The following NEK5 variants were observed in gnomAD, a reference collection of about 807,000 sequenced individuals.
The protein encoded by NEK5 is serine/threonine-protein kinase Nek5.
NEK5 carries 88 observed loss-of-function variants against 109.2 expected under a neutral mutation model. The ratio of observed to expected loss-of-function variants is 0.81; its 90% CI spans 0.68 to 0.96. The LOEUF (loss-of-function observed/expected upper bound fraction) is 0.96. Ranked by LOEUF, NEK5 falls within the 40% of genes least tolerant of loss-of-function variation. The pLI is 0.00. For missense variants in NEK5, 834 were observed against 920.7 expected, an observed-to-expected ratio of 0.91 and a Z score of 1.22; for synonymous variants, 283 against 299.9, an observed-to-expected ratio of 0.94 and a Z score of 0.58.
At chr13:52,077,134 C>T (rs1312216358) in intron 17 of NEK5, among the ~76,000 whole-genome samples, 2 of 152,164 alleles carry the variant, frequency 1.3e-5, no homozygotes, top group Non-Finnish European at 2.9e-5. Flanking sequence ...GCAGAGGGAA[C>T]AGTGGGGTAA....
intron 3 of NEK5, among the ~76,000 whole-genome samples, chr13:52,121,920 G>A (rs1371102109): frequency 6.6e-6 from 1 of 151,526 alleles, no homozygotes; most frequent in Non-Finnish European, 1.5e-5. Context: ...ATAAATTACA[G>A]GGGTGTTTTG....
Position 52,061,956 on chromosome 13 carries a change from G to T in NEK5, c.1976-3C>A, listed in dbSNP as rs1220092535. 3.8e-6 allele frequency: 2 copies of T among 520,554 alleles called. No individual in the cohort carries two copies. The highest frequency in any genetic ancestry group is 4.9e-6 in the Non-Finnish European group (2 of 404,774). 32.2% of individuals were successfully genotyped at this position (520,554 alleles called of 1,614,324 possible). ...TTCAATCACAATAACTTGGCCATCT[G>T]AAGAGGAAAGTGTTATTAAAAATAA... On this transcript the variant is annotated splice_polypyrimidine_tract_variant and splice_region_variant and intron_variant, in intron 21 of 23. Coordinates refer to ENST00000684899, the MANE Select transcript of NEK5 (RefSeq NM_001365552.1).
At chr13:52,124,889 G>C (rs1198574153) in intron 3 of NEK5, among the ~76,000 whole-genome samples, 1 of 152,194 alleles carries the variant, frequency 6.6e-6, no homozygotes, top group African/African-American at 2.4e-5. Flanking sequence ...GGAGCCACTT[G>C]AAGGATCCAA....
chr13:52,100,108 C>T (rs540244416), intron 11 of NEK5, among the ~76,000 whole-genome samples: 2 of 152,002 alleles, frequency 1.3e-5, no homozygotes, highest in African/African-American at 2.4e-5. Flanking sequence ...TAATATATAA[C>T]ATCACTTTTT....
intron 19 of NEK5, among the ~76,000 whole-genome samples, chr13:52,074,020 A>AT (rs1954824393): frequency 6.6e-6 from 1 of 152,218 alleles, no homozygotes; most frequent in Non-Finnish European, 1.5e-5. Context: ...ATGGATTGGA[A>AT]TAATCAATAT....
rs567891564 is a variant in NEK5 at position 52,053,923 on chromosome 13, G to A, written c.2111-3702C>T. 6.6e-4 allele frequency among the ~76,000 whole-genome samples: 101 copies of A among 152,276 alleles called. 1 individual carries two copies. Among genetic ancestry groups the A allele is most frequent in the African/African-American group, 2.3e-3 (96 of 41,550 alleles). On this transcript the variant is annotated intron_variant, in intron 22 of 23. Transcript: ENST00000684899. The stretch of plus-strand genomic sequence containing the variant: ...GTCCTTGTTATTCAATTTTGCAAGC[G>A]GAGGGCAGCTGAACTTGTGTTTTGT...
chr13:52,075,014 G>A (rs527578307), intron 19 of NEK5, among the ~76,000 whole-genome samples: 1 of 152,170 alleles, frequency 6.6e-6, no homozygotes, highest in Non-Finnish European at 1.5e-5. Flanking sequence ...TGCTTATGTA[G>A]TGTTGGCGGA....
chr13:52,045,107 C>T lies in NEK5; in HGVS notation c.2228+4997G>A, dbSNP rs1337140704. ...GTATAAAAACGTACCATAACAGTAG[C>T]ATTTCAAATTAGAATAAAAAATCTT... On this transcript the variant is annotated intron_variant, in intron 23 of 23. Coordinates refer to ENST00000684899, the MANE Select transcript of NEK5 (RefSeq NM_001365552.1). Among the ~76,000 whole-genome samples the T allele has an allele frequency of 2.0e-5, 3 of 149,060 alleles. No individual in the cohort carries two copies. The Admixed American group carries it at 2.0e-4, about 10-fold the overall frequency.
intron 23 of NEK5, among the ~76,000 whole-genome samples, chr13:52,046,607 T>C (rs1954461681): frequency 6.6e-6 from 1 of 151,936 alleles, no homozygotes; most frequent in Non-Finnish European, 1.5e-5. Flanking sequence ...GGCAAGTGCC[T>C]GTAGTCCCGG....
Position 52,127,505 on chromosome 13 carries a change from C to G in NEK5, c.-22-1G>C. 8.2e-7 allele frequency: 1 copy of G among 1,220,534 alleles called. No individual in the cohort carries two copies. Among genetic ancestry groups the G allele is most frequent in the Non-Finnish European group, 1.2e-6 (1 of 824,430 alleles). 75.6% of individuals were successfully genotyped at this position (1,220,534 alleles called of 1,614,324 possible). A position where few individuals can be genotyped will look rare whatever the true frequency, so the allele number is the denominator to read the frequency against. On this transcript the variant is annotated splice_acceptor_variant, in intron 2 of 23. Transcript: ENST00000684899. LOFTEE classifies it low-confidence loss of function (5UTR_SPLICE). ...CATGGTCTCCAATGGGCTGAGTTTC[C>G]TGGAATTAGAGTAATGTAAATTTAT... is the stretch of plus-strand genomic sequence containing the variant.
intron 21 of NEK5, among the ~76,000 whole-genome samples, chr13:52,064,226 G>C (rs574803387): frequency 2.5e-3 from 357 of 144,032 alleles, no homozygotes; most frequent in African/African-American, 8.1e-3. Context: ...GGAGGGAGGT[G>C]GGGGGGTCAG....
Position 52,086,177 on chromosome 13 carries a change from C to T in NEK5, c.1479+100G>A, listed in dbSNP as rs185956013. ...CTACATGATTATCTCTATGATAAAA[C>T]TTTATCTTTTCTATAAGGAAATCAT... On this transcript the variant is annotated intron_variant, in intron 16 of 23. Transcript: ENST00000684899. 1.2e-3 allele frequency: 1,018 copies of T among 838,454 alleles called. 5 individuals carry two copies. The highest frequency in any genetic ancestry group is 1.5e-3 in the Non-Finnish European group (733 of 498,842). 51.9% of individuals were successfully genotyped at this position (838,454 alleles called of 1,614,324 possible). A position where few individuals can be genotyped will look rare whatever the true frequency, so the allele number is the denominator to read the frequency against.
At position 52,054,520 on chromosome 13, in the gene NEK5, C is replaced by A. The variant is rs181138229; in HGVS notation, c.2111-4299G>T. Among the ~76,000 whole-genome samples, 11 of 152,306 alleles carry A rather than the reference C, an allele frequency of 7.2e-5. No homozygotes were observed. In the East Asian group the frequency reaches 1.5e-3, roughly 21 times the overall value. On this transcript the variant is annotated intron_variant, in intron 22 of 23. Coordinates refer to ENST00000684899, the MANE Select transcript of NEK5 (RefSeq NM_001365552.1). Reference sequence around the variant, plus strand: ...ATAATTAGGTTTTCCAAAAAGACAGCAGTAACCTCTGCAGACTTAAAAGTC... The same window carrying A: ...ATAATTAGGTTTTCCAAAAAGACAGAAGTAACCTCTGCAGACTTAAAAGTC...
At chr13:52,062,770 G>A (rs1230359158) in intron 21 of NEK5, among the ~76,000 whole-genome samples, 1 of 152,094 alleles carries the variant, frequency 6.6e-6, no homozygotes, top group Non-Finnish European at 1.5e-5. Context: ...AAATGTAAAT[G>A]ATGGAATTTA....
intron 12 of NEK5, among the ~76,000 whole-genome samples, chr13:52,099,403 G>A (rs1011773725): frequency 5.3e-5 from 8 of 152,078 alleles, no homozygotes; most frequent in African/African-American, 9.7e-5. Flanking sequence ...CGGGCGCCAT[G>A]GCTCACACCT....
intron 22 of NEK5, among the ~76,000 whole-genome samples, chr13:52,058,613 C>T (rs1954583719): frequency 6.6e-6 from 1 of 152,042 alleles, no homozygotes; most frequent in Admixed American, 6.5e-5. Flanking sequence ...AGATATAGAT[C>T]AATGGAACAG....
chr13:52,123,263 T>C (rs1485716583), intron 3 of NEK5, among the ~76,000 whole-genome samples: 2 of 152,150 alleles, frequency 1.3e-5, no homozygotes, highest in African/African-American at 2.4e-5. Context: ...TAAACAGATA[T>C]GGGAAAACAA....
intron 3 of NEK5, among the ~76,000 whole-genome samples, chr13:52,121,657 C>T (rs978202810): frequency 3.9e-5 from 6 of 152,134 alleles, no homozygotes; most frequent in Non-Finnish European, 5.9e-5. Context: ...AGCCCACAGA[C>T]GAAAGCCCAT....
intron 23 of NEK5, among the ~76,000 whole-genome samples, chr13:52,038,656 T>TA (rs1309881879): frequency 2.0e-5 from 3 of 151,830 alleles, no homozygotes; most frequent in Non-Finnish European, 2.9e-5. Context: ...AGGCTGGTCA[T>TA]AAACTACTGT....
Sources: allele counts gnomAD v4.1 joint callset (sites outside exome capture counted in the v4.1 genomes callset), GRCh38; gene constraint gnomAD v4.1.1; transcripts MANE v1.5; gene names NCBI Gene and HGNC (gene_info 2026-07-23, HGNC 2026-07-21).